Variants in PPARG observed in about 807,000 individuals in gnomAD.
PPARG encodes peroxisome proliferator activated receptor gamma.
Under a neutral mutation model 39.2 loss-of-function variants are expected in PPARG, and 17 were observed. That is an observed-to-expected ratio of 0.43 (90% confidence interval 0.30 to 0.65). PPARG has a LOEUF of 0.65. Among genes scored for constraint, PPARG ranks in the 30% least tolerant of loss-of-function variants. PPARG has a pLI of 0.13. For missense variants in PPARG, 406 were observed against 585.9 expected, an observed-to-expected ratio of 0.69 and a Z score of 3.17; for synonymous variants, 223 against 215.7, an observed-to-expected ratio of 1.03 and a Z score of -0.30.
intron 7 of PPARG, among the ~76,000 whole-genome samples, chr3:12,425,088 T>C (rs1157317943): frequency 1.3e-5 from 2 of 152,234 alleles, no homozygotes; most frequent in African/African-American, 4.8e-5. Context: ...CTAATCGCTT[T>C]ATCAACTATC....
intron 1 of PPARG, among the ~76,000 whole-genome samples, chr3:12,309,438 A>G (rs2047164962): frequency 1.3e-5 from 2 of 152,168 alleles, no homozygotes; most frequent in Non-Finnish European, 2.9e-5. Context: ...TAGAGGATTT[A>G]ATTTGTTAAT....
At chr3:12,307,389 TC>T in intron 1 of PPARG, among the ~76,000 whole-genome samples, 1 of 152,168 alleles carries the variant, frequency 6.6e-6, no homozygotes, top group Non-Finnish European at 1.5e-5. Flanking sequence ...TTCACATACT[TC>T]CACCTCTCCC....
chr3:12,418,030 A>C (rs2051138132), intron 7 of PPARG, among the ~76,000 whole-genome samples: 1 of 149,998 alleles, frequency 6.7e-6, no homozygotes, highest in Non-Finnish European at 1.5e-5. Flanking sequence ...ATGCTACTTC[A>C]TAAAAGTAAT....
intron 2 of PPARG, among the ~76,000 whole-genome samples, chr3:12,378,035 C>T (rs1395358950): frequency 6.6e-6 from 1 of 152,146 alleles, no homozygotes; most frequent in East Asian, 1.9e-4. Flanking sequence ...CATCACTAAT[C>T]ATCAGGGAAA....
intron 2 of PPARG, among the ~76,000 whole-genome samples, chr3:12,339,796 T>C (rs1475677940): frequency 6.6e-6 from 1 of 152,214 alleles, no homozygotes; most frequent in Non-Finnish European, 1.5e-5. Flanking sequence ...CACATTTCTG[T>C]TATCTGTGAA....
intron 5 of PPARG, among the ~76,000 whole-genome samples, chr3:12,394,948 A>T (rs1251933236): frequency 6.6e-6 from 1 of 152,164 alleles, no homozygotes; most frequent in East Asian, 1.9e-4. Context: ...GAAAACATGA[A>T]CGTCCCCCAA....
At chr3:12,305,392 A>C (rs540809298) in intron 1 of PPARG, among the ~76,000 whole-genome samples, 2 of 152,340 alleles carry the variant, frequency 1.3e-5, no homozygotes, top group East Asian at 1.9e-4. Flanking sequence ...ATTTTTTTAA[A>C]GTATTGACTC....
chr3:12,397,576 A>G (rs1269434099), intron 5 of PPARG, among the ~76,000 whole-genome samples: 1 of 151,404 alleles, frequency 6.6e-6, no homozygotes, highest in Admixed American at 6.6e-5. Flanking sequence ...ATGCCCGGCT[A>G]ATTTTTTGTA....
intron 1 of PPARG, among the ~76,000 whole-genome samples, chr3:12,302,563 A>C (rs767307133): frequency 2.0e-5 from 3 of 152,234 alleles, no homozygotes; most frequent in Non-Finnish European, 4.4e-5. Flanking sequence ...TAACCAAAAG[A>C]GAAAATAATT....
At chr3:12,407,109 G>A (rs529429237) in intron 6 of PPARG, among the ~76,000 whole-genome samples, 46 of 152,250 alleles carry the variant, frequency 3.0e-4, no homozygotes, top group African/African-American at 1.1e-3. Flanking sequence ...TCCCAATTCT[G>A]CCATCAGCTT....
intron 2 of PPARG, among the ~76,000 whole-genome samples, chr3:12,374,598 A>G (rs970406434): frequency 6.6e-6 from 1 of 152,128 alleles, no homozygotes; most frequent in Admixed American, 6.6e-5. Context: ...GACTCCACCA[A>G]AAACAAAAAC....
In PPARG at chr3:12,316,043, A is replaced by C. The variant is rs2047379403; in HGVS notation, c.-9+3590A>C. Among the ~76,000 whole-genome samples, 4 of 152,314 alleles carry C rather than the reference A, an allele frequency of 2.6e-5. No individual in the cohort carries two copies. The South Asian group carries it at 8.3e-4, about 32-fold the overall frequency. On this transcript the variant is annotated intron_variant, in intron 2 of 7. Transcript: ENST00000651735. ...AGGCAAAATGTCTGGGAATTCAGTG[A>C]ATACAAGTAGTACTACGGGAACTTT...
At chr3:12,398,105 C>A (rs2050332744) in intron 5 of PPARG, among the ~76,000 whole-genome samples, 1 of 151,956 alleles carries the variant, frequency 6.6e-6, no homozygotes, top group Non-Finnish European at 1.5e-5. Flanking sequence ...GTGTTTCATA[C>A]CTTCCTGTGA....
At chr3:12,387,356 T>G (rs1021013244) in intron 4 of PPARG, among the ~76,000 whole-genome samples, 1 of 152,208 alleles carries the variant, frequency 6.6e-6, no homozygotes, top group Admixed American at 6.5e-5. Context: ...AGCATTCCTA[T>G]TTCTCCACAT....
chr3:12,358,188 T>C (rs1179025628), intron 2 of PPARG, among the ~76,000 whole-genome samples: 1 of 152,214 alleles, frequency 6.6e-6, no homozygotes, highest in East Asian at 1.9e-4. Flanking sequence ...CATCATTTGT[T>C]TGTGAGTTAC....
chr3:12,398,631 A>G (rs1474092647), intron 5 of PPARG, among the ~76,000 whole-genome samples: 2 of 152,170 alleles, frequency 1.3e-5, no homozygotes, highest in Non-Finnish European at 2.9e-5. Context: ...AGGCACCATC[A>G]GAGAGATCTG....
intron 1 of PPARG, among the ~76,000 whole-genome samples, chr3:12,297,238 C>A (rs1294498540): frequency 1.3e-5 from 2 of 152,058 alleles, no homozygotes; most frequent in Non-Finnish European, 2.9e-5. Context: ...AAACTACTCA[C>A]AACTCTGAAG....
chr3:12,399,191 G>A (rs1450069077), intron 5 of PPARG, among the ~76,000 whole-genome samples: 1 of 152,188 alleles, frequency 6.6e-6, no homozygotes, highest in African/African-American at 2.4e-5. Context: ...ATCAGAGATT[G>A]AGTTAGAAGG....
intron 1 of PPARG, 133 bp downstream of exon 1, chr3:12,289,267 C>G (rs943282703): frequency 2.0e-5 from 3 of 152,066 alleles, no homozygotes; most frequent in African/African-American, 7.2e-5. Context: ...ATCCAATTCA[C>G]TTGGGTCATA....
Sources: allele counts gnomAD v4.1 joint callset (sites outside exome capture counted in the v4.1 genomes callset), GRCh38; gene constraint gnomAD v4.1.1; transcripts MANE v1.5; gene names NCBI Gene and HGNC (gene_info 2026-07-23, HGNC 2026-07-21).